The following LRP1B variants were observed in gnomAD, a reference collection of about 807,000 sequenced individuals.
The protein encoded by LRP1B is LDL receptor related protein 1B.
A neutral mutation model predicts 556.6 loss-of-function variants in LRP1B; 217 were observed. The ratio of observed to expected loss-of-function variants is 0.39; its 90% confidence interval spans 0.35 to 0.44. The LOEUF (loss-of-function observed/expected upper bound fraction) is 0.44, where lower values mean the gene tolerates loss of function less well. Ranked by LOEUF, LRP1B falls within the 20% of genes least tolerant of loss-of-function variation. LRP1B has a pLI of 1.00. For missense variants in LRP1B, 5,053 were observed against 5,620.8 expected, an observed-to-expected ratio of 0.90 and a Z score of 3.23; for synonymous variants, 2,047 against 1,865.8, an observed-to-expected ratio of 1.10 and a Z score of -2.50.
At chr2:141,736,458 C>T (rs536346585) in intron 2 of LRP1B, among the ~76,000 whole-genome samples, 11 of 152,108 alleles carry the variant, frequency 7.2e-5, no homozygotes, top group African/African-American at 1.7e-4. Flanking sequence ...GACACAGAGA[C>T]ACATAAATAT....
At chr2:140,846,184 C>T (rs1692268353) in intron 29 of LRP1B, among the ~76,000 whole-genome samples, 1 of 152,068 alleles carries the variant, frequency 6.6e-6, no homozygotes, top group Admixed American at 6.5e-5. Flanking sequence ...ATACTATCTA[C>T]AAAGGAATGA....
chr2:140,941,522 A>G (rs1424402143), intron 20 of LRP1B, among the ~76,000 whole-genome samples: 2 of 152,178 alleles, frequency 1.3e-5, no homozygotes, highest in Non-Finnish European at 2.9e-5. Context: ...TACGAAAGAC[A>G]TGAGAGCACC....
chr2:140,936,910 T>C (rs1384015804), intron 20 of LRP1B, among the ~76,000 whole-genome samples: 1 of 152,106 alleles, frequency 6.6e-6, no homozygotes, highest in Non-Finnish European at 1.5e-5. Flanking sequence ...TCCAATTACT[T>C]TTGCACCAAC....
chr2:141,209,005 G>A (rs554666119), intron 6 of LRP1B, among the ~76,000 whole-genome samples: 1 of 151,220 alleles, frequency 6.6e-6, no homozygotes, highest in Admixed American at 6.6e-5. Flanking sequence ...AAATATTTGG[G>A]ATGCTAATAT....
intron 43 of LRP1B, among the ~76,000 whole-genome samples, chr2:140,579,489 C>T (rs1351268270): frequency 1.3e-5 from 2 of 152,164 alleles, no homozygotes; most frequent in Non-Finnish European, 2.9e-5. Flanking sequence ...TCTCCACACC[C>T]TGAAAGCTGG....
At chr2:141,428,944 T>C (rs1680470670) in intron 3 of LRP1B, among the ~76,000 whole-genome samples, 1 of 152,218 alleles carries the variant, frequency 6.6e-6, no homozygotes, top group Non-Finnish European at 1.5e-5. Flanking sequence ...TTGGTATTTA[T>C]ATTACTGATT....
At chr2:140,858,402 TTATG>T (rs1001096774) in intron 27 of LRP1B, among the ~76,000 whole-genome samples, 6 of 151,060 alleles carry the variant, frequency 4.0e-5, no homozygotes, top group African/African-American at 9.7e-5. Flanking sequence ...ATACAATGTA[TTATG>T]TATGTATGTA....
chr2:141,091,432 T>C (rs1386421948), intron 7 of LRP1B, among the ~76,000 whole-genome samples: 1 of 152,168 alleles, frequency 6.6e-6, no homozygotes, highest in Non-Finnish European at 1.5e-5. Context: ...ACAAAAAACA[T>C]TGCTTCCCGG....
At chr2:140,974,788 C>T (rs570882149) in intron 18 of LRP1B, among the ~76,000 whole-genome samples, 2 of 152,200 alleles carry the variant, frequency 1.3e-5, no homozygotes, top group South Asian at 4.1e-4. Context: ...GGAACCATTT[C>T]ATATAATAGG....
rs867259760 is a variant in LRP1B, at chr2:141,831,136, T to C, written c.83-20735A>G. Among the ~76,000 whole-genome samples, 8 of 151,900 alleles carry C rather than the reference T, an allele frequency of 5.3e-5. 2 individuals carry two copies. The Middle Eastern group carries it at 0.027, about 517-fold the overall frequency. On this transcript the variant is annotated intron_variant, in intron 1 of 90. Coordinates refer to ENST00000389484, the MANE Select transcript of LRP1B (RefSeq NM_018557.3). ...GCAACTTACTTTCACCTACTTCATT[T>C]ATCCATCTTTGCTCTCCAAGTAATT...
intron 4 of LRP1B, among the ~76,000 whole-genome samples, chr2:141,251,856 T>C (rs2105335314): frequency 6.6e-6 from 1 of 152,078 alleles, no homozygotes; most frequent in East Asian, 1.9e-4. Flanking sequence ...AAGAAGAAAT[T>C]GAAAGGAATG....
chr2:142,033,736 A>G (rs1464003164), intron 1 of LRP1B, among the ~76,000 whole-genome samples: 1 of 151,766 alleles, frequency 6.6e-6, no homozygotes, highest in Non-Finnish European at 1.5e-5. Flanking sequence ...ATTTCCCACT[A>G]ATAAAGTCAA....
At chr2:140,934,551 C>T (rs1247366538) in intron 20 of LRP1B, among the ~76,000 whole-genome samples, 1 of 152,076 alleles carries the variant, frequency 6.6e-6, no homozygotes, top group Non-Finnish European at 1.5e-5. Flanking sequence ...AGTTTCAGCT[C>T]TTAGCACAGT....
intron 3 of LRP1B, among the ~76,000 whole-genome samples, chr2:141,292,665 T>C (rs1246625952): frequency 2.0e-5 from 3 of 152,146 alleles, no homozygotes; most frequent in African/African-American, 7.2e-5. Flanking sequence ...TAACCTATAA[T>C]GTAAAAATTA....
chr2:141,446,258 G>C (rs1426544575), intron 3 of LRP1B, among the ~76,000 whole-genome samples: 1 of 151,960 alleles, frequency 6.6e-6, no homozygotes, highest in Non-Finnish European at 1.5e-5. Context: ...CTTTTGATTT[G>C]TTTGGTAAAT....
In LRP1B at chr2:141,763,093, A is replaced by G. The variant is rs533116057; in HGVS notation, c.205+47186T>C. Among the ~76,000 whole-genome samples the G allele has an allele frequency of 6.6e-5, 10 of 152,304 alleles. No individual in the cohort carries two copies. In the South Asian group the frequency reaches 1.9e-3, roughly 28 times the overall value. On this transcript the variant is annotated intron_variant, in intron 2 of 90. Coordinates refer to ENST00000389484, the MANE Select transcript of LRP1B (RefSeq NM_018557.3). Reference sequence around the variant, plus strand: ...AATAGAATTCATGTTGTTGTGTATAAGAGAAGAACAAAACCGATAATAGGA... The same window carrying G: ...AATAGAATTCATGTTGTTGTGTATAGGAGAAGAACAAAACCGATAATAGGA...
intron 18 of LRP1B, among the ~76,000 whole-genome samples, chr2:140,952,183 A>G (rs1223116415): frequency 4.6e-5 from 7 of 152,192 alleles, no homozygotes; most frequent in Non-Finnish European, 1.5e-5. Context: ...TTTATGAAGG[A>G]TCATTTGGAT....
intron 11 of LRP1B, among the ~76,000 whole-genome samples, chr2:141,046,613 T>C (rs552682804): frequency 1.8e-4 from 27 of 152,222 alleles, no homozygotes; most frequent in African/African-American, 6.0e-4. Context: ...CTGGCGGTCA[T>C]TGTGGCTATT....
intron 60 of LRP1B, among the ~76,000 whole-genome samples, chr2:140,472,757 T>C (rs146413057): frequency 6.6e-6 from 1 of 152,174 alleles, no homozygotes; most frequent in East Asian, 1.9e-4. Context: ...GGGGAAAGAA[T>C]ACCCAACTTT....
Sources: gnomAD v4.1 joint callset for allele counts (sites outside exome capture counted in the v4.1 genomes callset) on GRCh38, gnomAD v4.1.1 for gene constraint, MANE v1.5 for transcripts, NCBI Gene and HGNC (gene_info 2026-07-23, HGNC 2026-07-21) for gene names.